The following DNER variants were observed in gnomAD, a reference collection of about 807,000 sequenced individuals.
The protein encoded by DNER is delta/notch like EGF repeat containing.
In DNER, 33 loss-of-function variants were observed where a neutral mutation model predicts 78.2. That is an observed-to-expected ratio of 0.42 (90% confidence interval 0.32 to 0.56). The LOEUF is 0.56. Among genes scored for constraint, DNER ranks in the 20% least tolerant of loss-of-function variants. The pLI is 0.11. For missense variants in DNER, 918 were observed against 975.3 expected (o/e 0.94, Z 0.78); for synonymous variants, 417 against 384.8 (o/e 1.08, Z -0.98).
intron 4 of DNER, among the ~76,000 whole-genome samples, chr2:229,555,333 C>A (rs768537552): frequency 6.6e-6 from 1 of 152,240 alleles, no homozygotes; most frequent in East Asian, 1.9e-4. Context: ...CATGTAGACA[C>A]CTTACACCTC....
At chr2:229,624,744 C>T (rs1320195852) in intron 1 of DNER, among the ~76,000 whole-genome samples, 1 of 152,220 alleles carries the variant, frequency 6.6e-6, no homozygotes, top group African/African-American at 2.4e-5. Flanking sequence ...ATTTTTTAGA[C>T]TATGACATTC....
chr2:229,395,041 T>C (rs1157647021), intron 10 of DNER, among the ~76,000 whole-genome samples: 1 of 152,184 alleles, frequency 6.6e-6, no homozygotes, highest in East Asian at 1.9e-4. Context: ...CCTCTATTTT[T>C]CTTTATGGAA....
At chr2:229,668,470 A>C (rs1448025127) in intron 1 of DNER, among the ~76,000 whole-genome samples, 18 of 138,188 alleles carry the variant, frequency 1.3e-4, no homozygotes, top group Non-Finnish European at 2.6e-4. Flanking sequence ...AAAAGAAGAC[A>C]TATATATAGG....
intron 8 of DNER, among the ~76,000 whole-genome samples, chr2:229,441,438 C>T (rs183057716): frequency 6.6e-6 from 1 of 152,158 alleles, no homozygotes; most frequent in Admixed American, 6.5e-5. Context: ...CCATGGGAAT[C>T]GTGGAGTGTC....
At chr2:229,477,291 C>T (rs1559362314) in intron 6 of DNER, 38 bp from the exon 7 acceptor site, 1 of 1,510,120 alleles carries the variant, frequency 6.6e-7, no homozygotes, top group Admixed American at 1.8e-5. Context: ...AAAATAAGCT[C>T]TTCCAGACCC....
chr2:229,403,403 C>T (rs909280546), intron 10 of DNER, among the ~76,000 whole-genome samples: 3 of 152,100 alleles, frequency 2.0e-5, no homozygotes, highest in African/African-American at 7.2e-5. Context: ...CTCTGAGAAC[C>T]TTGAGCACAC....
chr2:229,627,817 G>T (rs1157818445), intron 1 of DNER, among the ~76,000 whole-genome samples: 1 of 152,188 alleles, frequency 6.6e-6, no homozygotes, highest in African/African-American at 2.4e-5. Context: ...AGGCAAGTTG[G>T]AGGTAATAAA....
At chr2:229,386,509 G>T (rs909144590) in intron 11 of DNER, among the ~76,000 whole-genome samples, 5 of 151,996 alleles carry the variant, frequency 3.3e-5, no homozygotes, top group African/African-American at 9.7e-5. Flanking sequence ...GACAGCAAAA[G>T]AAACTATCAT....
intron 5 of DNER, among the ~76,000 whole-genome samples, chr2:229,519,643 C>G (rs1696055076): frequency 2.0e-5 from 3 of 152,042 alleles, no homozygotes. Context: ...ATTCCAAATC[C>G]TTTGTCATTC....
At chr2:229,435,750 G>A (rs1559351154) in intron 8 of DNER, among the ~76,000 whole-genome samples, 1 of 152,150 alleles carries the variant, frequency 6.6e-6, no homozygotes, top group Non-Finnish European at 1.5e-5. Flanking sequence ...ATCTGGTAGA[G>A]TAAAATTGAA....
chr2:229,549,682 C>T (rs927491696), intron 4 of DNER, among the ~76,000 whole-genome samples: 2 of 152,040 alleles, frequency 1.3e-5, no homozygotes, highest in Non-Finnish European at 2.9e-5. Flanking sequence ...GAGGCAGAAG[C>T]GCGTGGATCA....
chr2:229,619,138 TAA>T (rs1698213088), intron 1 of DNER, among the ~76,000 whole-genome samples: 1 of 149,934 alleles, frequency 6.7e-6, no homozygotes, highest in Non-Finnish European at 1.5e-5. Context: ...ACCCTGTCTC[TAA>T]AAAAATTTAT....
chr2:229,405,113 A>G (rs1054949179), intron 10 of DNER, among the ~76,000 whole-genome samples: 1 of 152,220 alleles, frequency 6.6e-6, no homozygotes, highest in African/African-American at 2.4e-5. Flanking sequence ...CAGACAAAGG[A>G]TATGAATAGA....
intron 11 of DNER, among the ~76,000 whole-genome samples, chr2:229,370,729 C>T (rs1158752830): frequency 1.3e-5 from 2 of 152,158 alleles, no homozygotes; most frequent in Non-Finnish European, 2.9e-5. Context: ...GTTATAACAT[C>T]CATTTAGCAT....
intron 5 of DNER, among the ~76,000 whole-genome samples, chr2:229,538,526 G>A (rs1183338895): frequency 1.3e-5 from 2 of 151,754 alleles, no homozygotes; most frequent in South Asian, 2.1e-4. Flanking sequence ...CACCCTGCCC[G>A]GCTAATTTTG....
At chr2:229,530,134 T>C (rs1227142518) in intron 5 of DNER, among the ~76,000 whole-genome samples, 1 of 152,226 alleles carries the variant, frequency 6.6e-6, no homozygotes, top group African/African-American at 2.4e-5. Context: ...ATTTTAAGTT[T>C]TTCTATAGAT....
intron 6 of DNER, among the ~76,000 whole-genome samples, chr2:229,485,592 C>G (rs1447189293): frequency 6.6e-6 from 1 of 152,150 alleles, no homozygotes; most frequent in African/African-American, 2.4e-5. Context: ...AATCCCCCCA[C>G]CAACCCATAT....
rs1259916500 is a variant in DNER, at chr2:229,668,573, T to TATATATAC, written c.276+45574_276+45575insGTATATAT. 3.4e-3 allele frequency among the ~76,000 whole-genome samples: 308 copies of TATATATAC among 91,516 alleles called. 3 individuals carry two copies. Among genetic ancestry groups the TATATATAC allele is most frequent in the African/African-American group, 8.1e-3 (138 of 17,008 alleles). The allele number at this position is 91,516 out of a possible 152,430, so 60.0% of individuals were successfully genotyped here. A position where few individuals can be genotyped will look rare whatever the true frequency, so the allele number is the denominator to read the frequency against. The stretch of plus-strand genomic sequence containing the variant: ...ATATATATATATATATATATATATA[T>TATATATAC]ATATATAAAAGAAGACATTTATGTG... On this transcript the variant is annotated intron_variant, in intron 1 of 12. Coordinates refer to ENST00000341772, the MANE Select transcript of DNER (RefSeq NM_139072.4).
chr2:229,518,051 C>A (rs1355949356), intron 5 of DNER, among the ~76,000 whole-genome samples: 1 of 152,220 alleles, frequency 6.6e-6, no homozygotes, highest in African/African-American at 2.4e-5. Context: ...AACACCCAGA[C>A]CCTGAACGTA....
Sources: allele counts gnomAD v4.1 joint callset (sites outside exome capture counted in the v4.1 genomes callset), GRCh38; gene constraint gnomAD v4.1.1; transcripts MANE v1.5; gene names NCBI Gene and HGNC (gene_info 2026-07-23, HGNC 2026-07-21).